MAML3: variants seen among roughly 807,000 people sequenced by gnomAD.
The protein encoded by MAML3 is mastermind-like protein 3.
MAML3 carries 27 observed loss-of-function variants against 101.9 expected under a neutral mutation model. The ratio of observed to expected loss-of-function variants is 0.27; its 90% CI spans 0.20 to 0.37. The LOEUF (loss-of-function observed/expected upper bound fraction) is 0.37, where lower values mean the gene tolerates loss of function less well. Among genes scored for constraint, MAML3 ranks in the 10% least tolerant of loss-of-function variants. MAML3 has a pLI of 1.00. For synonymous variants in MAML3, 501 were observed against 555.9 expected, an observed-to-expected ratio of 0.90 and a Z score of 1.39; for missense variants, 1,316 against 1,444.9, an observed-to-expected ratio of 0.91 and a Z score of 1.45.
intron 2 of MAML3, among the ~76,000 whole-genome samples, chr4:139,849,730 C>T (rs1731514577): frequency 6.6e-6 from 1 of 152,188 alleles, no homozygotes; most frequent in African/African-American, 2.4e-5. Flanking sequence ...GTAACTTAAC[C>T]ACTCAGATTT....
intron 2 of MAML3, among the ~76,000 whole-genome samples, chr4:139,822,225 T>TCACCACCACCACCACCAC (rs34942904): frequency 1.9e-4 from 24 of 126,600 alleles, no homozygotes; most frequent in Admixed American, 1.7e-4. Context: ...ATTATCACCA[T>TCACCACCACCACCACCAC]CACCACCACC....
At chr4:139,798,586 A>G (rs1730556392) in intron 2 of MAML3, among the ~76,000 whole-genome samples, 1 of 152,190 alleles carries the variant, frequency 6.6e-6, no homozygotes, top group Non-Finnish European at 1.5e-5. Context: ...AGCCCTGATC[A>G]CTGGTCATGA....
At position 139,755,658 on chromosome 4, in the gene MAML3, G is replaced by T. The variant is rs530295258; in HGVS notation, c.2080-24991C>A. Among the ~76,000 whole-genome samples the T allele has an allele frequency of 7.2e-5, 11 of 152,260 alleles. No individual in the cohort carries two copies. In the South Asian group the frequency reaches 1.9e-3, roughly 26 times the overall value. ...ATGGTTTACTACAACAGCAGAAAAAGAAAGAGAAAGAGTGAGCTTTTGCAT... is the reference window on the plus strand; with the variant it reads ...ATGGTTTACTACAACAGCAGAAAAATAAAGAGAAAGAGTGAGCTTTTGCAT... On this transcript the variant is annotated intron_variant, in intron 2 of 4. Transcript: ENST00000509479.
rs943382031 is a variant in MAML3 at position 139,719,229 on chromosome 4, A to T, written c.*94T>A. On this transcript the variant is annotated 3_prime_UTR_variant, in exon 5 of 5. Coordinates refer to ENST00000509479, the MANE Select transcript of MAML3 (RefSeq NM_018717.5). The stretch of plus-strand genomic sequence containing the variant: ...AGTTTTGCTCAGTTTACGTGGGTCA[A>T]AAAAACAAAAAACAAGGATGGGTCA... The T allele has an allele frequency of 2.1e-6, 3 of 1,446,982 alleles. No homozygotes were observed. 89.6% of individuals were successfully genotyped at this position (1,446,982 alleles called of 1,614,324 possible).
At position 140,091,550 on chromosome 4, in the gene MAML3, A is replaced by AAAC. The variant is rs1553974635; in HGVS notation, c.468+61309_468+61310insGTT. On this transcript the variant is annotated intron_variant, in intron 1 of 4. Coordinates refer to ENST00000509479, the MANE Select transcript of MAML3 (RefSeq NM_018717.5). Reference sequence around the variant, plus strand: ...AAAACAACAAAACAAAAACAAAACAAAAAAAAAAAACAGGACCAAGGACCA... The same window carrying AAAC: ...AAAACAACAAAACAAAAACAAAACAAAACAAAAAAAAAACAGGACCAAGGACCA... Among the ~76,000 whole-genome samples, 4 of 149,366 alleles carry AAAC rather than the reference A, an allele frequency of 2.7e-5. 1 individual carries two copies. The highest frequency in any genetic ancestry group is 7.4e-5 in the African/African-American group (3 of 40,796).
chr4:140,121,520 T>C (rs1373230253), intron 1 of MAML3, among the ~76,000 whole-genome samples: 2 of 152,008 alleles, frequency 1.3e-5, no homozygotes, highest in Non-Finnish European at 2.9e-5. Context: ...AGACTCAAAG[T>C]AGAGAGAAAG....
chr4:140,011,098 G>GAAA (rs70943466), intron 1 of MAML3, among the ~76,000 whole-genome samples: 1 of 97,544 alleles, frequency 1.0e-5, no homozygotes, highest in African/African-American at 4.0e-5. Context: ...ACTCTGTCTC[G>GAAA]AAAAAAAAAA....
chr4:140,112,407 C>T (rs1728452827), intron 1 of MAML3, among the ~76,000 whole-genome samples: 1 of 152,148 alleles, frequency 6.6e-6, no homozygotes, highest in African/African-American at 2.4e-5. Context: ...TTGGTGGTTT[C>T]CAATATAAAA....
chr4:139,916,707 A>T (rs1733035360), intron 1 of MAML3, among the ~76,000 whole-genome samples: 1 of 152,198 alleles, frequency 6.6e-6, no homozygotes, highest in Non-Finnish European at 1.5e-5. Context: ...ATTTTTCTTT[A>T]TTAATAGCTT....
intron 2 of MAML3, 74 bp from the exon 3 acceptor site, chr4:139,730,741 G>T: frequency 7.2e-7 from 1 of 1,385,720 alleles, no homozygotes; most frequent in Non-Finnish European, 9.9e-7. Context: ...GAAGCCCCTG[G>T]AAAAAGGGAA....
At chr4:139,804,397 G>C (rs1214113636) in intron 2 of MAML3, among the ~76,000 whole-genome samples, 2 of 151,938 alleles carry the variant, frequency 1.3e-5, no homozygotes, top group Non-Finnish European at 2.9e-5. Context: ...CTCCAGAGTA[G>C]CTGAGATTAC....
Position 140,062,017 on chromosome 4 carries a change from A to C in MAML3, c.468+90843T>G, listed in dbSNP as rs1447850788. On this transcript the variant is annotated intron_variant, in intron 1 of 4. Transcript: ENST00000509479. ...TCCCCAACACAAATACCTCCAAAAA[A>C]CCATAAATAGCATTGTCAAGTAGGA... 1.3e-5 allele frequency among the ~76,000 whole-genome samples: 2 copies of C among 152,086 alleles called. 1 individual carries two copies. The highest frequency in any genetic ancestry group is 3.9e-4 in the East Asian group (2 of 5,194).
At chr4:139,829,877 AT>A (rs778602656) in intron 2 of MAML3, among the ~76,000 whole-genome samples, 4 of 152,246 alleles carry the variant, frequency 2.6e-5, no homozygotes, top group African/African-American at 9.6e-5. Flanking sequence ...TTTTAAAAAA[AT>A]ATCAGTTATT....
intron 1 of MAML3, among the ~76,000 whole-genome samples, chr4:139,949,444 T>C (rs931024370): frequency 3.3e-5 from 5 of 152,248 alleles, no homozygotes; most frequent in Non-Finnish European, 7.3e-5. Context: ...TAAAAAAGAC[T>C]ATTTCCAATG....
At chr4:139,988,564 G>T (rs1428469336) in intron 1 of MAML3, among the ~76,000 whole-genome samples, 1 of 152,016 alleles carries the variant, frequency 6.6e-6, no homozygotes, top group East Asian at 1.9e-4. Flanking sequence ...TTCATTAAAC[G>T]GTGCCATCCA....
At chr4:139,833,854 T>G in intron 2 of MAML3, among the ~76,000 whole-genome samples, 1 of 152,096 alleles carries the variant, frequency 6.6e-6, no homozygotes, top group South Asian at 2.1e-4. Flanking sequence ...TGAATCACAG[T>G]ATCCCTTCTC....
chr4:139,811,310 C>T (rs548688560), intron 2 of MAML3, among the ~76,000 whole-genome samples: 1 of 152,284 alleles, frequency 6.6e-6, no homozygotes, highest in African/African-American at 2.4e-5. Flanking sequence ...TTCCAGAGTG[C>T]ACACAGTCTA....
At chr4:140,042,642 G>A (rs6536654) in intron 1 of MAML3, among the ~76,000 whole-genome samples, 10 of 150,854 alleles carry the variant, frequency 6.6e-5, no homozygotes, top group African/African-American at 9.8e-5. Context: ...TCAAAAAAAA[G>A]AAAAAAAAAA....
intron 1 of MAML3, among the ~76,000 whole-genome samples, chr4:140,123,583 G>C (rs1054641580): frequency 1.3e-5 from 2 of 152,112 alleles, no homozygotes; most frequent in Non-Finnish European, 2.9e-5. Flanking sequence ...TCCGTCCAGA[G>C]GGATGTCATT....
Sources: allele counts gnomAD v4.1 joint callset (sites outside exome capture counted in the v4.1 genomes callset), GRCh38; gene constraint gnomAD v4.1.1; transcripts MANE v1.5; gene names NCBI Gene and HGNC (gene_info 2026-07-23, HGNC 2026-07-21).